The following INO80D variants were observed in gnomAD, a reference collection of about 807,000 sequenced individuals.
INO80D encodes INO80 complex subunit D.
A neutral mutation model predicts 87.6 loss-of-function variants in INO80D; 21 were observed. The observed-to-expected ratio is 0.24, with a 90% CI of 0.17 to 0.35. INO80D has a LOEUF of 0.35. Ranked by LOEUF, INO80D falls within the 10% of genes least tolerant of loss-of-function variation. The pLI, the probability that INO80D is intolerant of heterozygous loss-of-function variation, is 1.00. For missense variants in INO80D, 982 were observed against 1,280.7 expected, an observed-to-expected ratio of 0.77 and a Z score of 3.56; for synonymous variants, 440 against 491.0, an observed-to-expected ratio of 0.90 and a Z score of 1.37.
intron 1 of INO80D, among the ~76,000 whole-genome samples, chr2:206,071,018 C>T (rs373024571): frequency 2.0e-5 from 3 of 151,412 alleles, no homozygotes; most frequent in Non-Finnish European, 2.9e-5. Context: ...AGTGCAATGG[C>T]ACGATCTCAG....
At chr2:206,081,768 A>AAAAAG (rs371153818) in intron 1 of INO80D, among the ~76,000 whole-genome samples, 132 of 147,122 alleles carry the variant, frequency 9.0e-4, no homozygotes, top group Middle Eastern at 3.5e-3. Context: ...AAAAAAAAAA[A>AAAAAG]AAAGAAAGAA....
Position 206,002,843 on chromosome 2 carries a change from T to TA in INO80D, c.*1524dup, listed in dbSNP as rs1266808003. On this transcript the variant is annotated 3_prime_UTR_variant, in exon 11 of 11. Transcript: ENST00000403263. ...TTTTAAAATATATATATATGTGAAT[T>TA]AGACTAGACTCAGGTATAAATAGCC... The TA allele has an allele frequency of 6.6e-6, 1 of 152,202 alleles. No homozygotes were observed. Among genetic ancestry groups the TA allele is most frequent in the Non-Finnish European group, 1.5e-5 (1 of 68,038 alleles). The allele number at this position is 152,202 out of a possible 1,614,324, so 9.4% of individuals were successfully genotyped here. A position where few individuals can be genotyped will look rare whatever the true frequency, so the allele number is the denominator to read the frequency against.
At chr2:206,034,309 G>A (rs925009231) in intron 5 of INO80D, among the ~76,000 whole-genome samples, 5 of 151,936 alleles carry the variant, frequency 3.3e-5, no homozygotes, top group African/African-American at 7.3e-5. Context: ...ACCACAGACC[G>A]ATATCCCTGA....
At chr2:206,034,580 C>T (rs1688847422) in intron 5 of INO80D, among the ~76,000 whole-genome samples, 1 of 152,004 alleles carries the variant, frequency 6.6e-6, no homozygotes, top group Non-Finnish European at 1.5e-5. Context: ...AATTGGCATA[C>T]AAGGGACATA....
intron 1 of INO80D, among the ~76,000 whole-genome samples, chr2:206,072,763 C>A (rs148070180): frequency 1.3e-5 from 2 of 151,874 alleles, no homozygotes; most frequent in African/African-American, 4.8e-5. Context: ...AATATCAAAA[C>A]CATAAAGCAT....
intron 6 of INO80D, among the ~76,000 whole-genome samples, chr2:206,024,190 T>G (rs1688541126): frequency 6.6e-6 from 1 of 152,206 alleles, no homozygotes; most frequent in South Asian, 2.1e-4. Context: ...CAGACCTTCA[T>G]TTATTCAATT....
intron 4 of INO80D, among the ~76,000 whole-genome samples, chr2:206,047,498 C>G (rs145684926): frequency 6.6e-6 from 1 of 152,028 alleles, no homozygotes; most frequent in Non-Finnish European, 1.5e-5. Flanking sequence ...GGATTACAGG[C>G]GTGAGCCACC....
At chr2:206,017,323 T>C (rs1688345494) in intron 8 of INO80D, among the ~76,000 whole-genome samples, 1 of 152,216 alleles carries the variant, frequency 6.6e-6, no homozygotes, top group African/African-American at 2.4e-5. Flanking sequence ...CTCCAAATTA[T>C]TCTGAATTAA....
chr2:206,062,360 C>T lies in INO80D; in HGVS notation c.218+439G>A, dbSNP rs1163616177. 1.3e-5 allele frequency among the ~76,000 whole-genome samples: 2 copies of T among 152,066 alleles called. No individual in the cohort carries two copies. The highest frequency in any genetic ancestry group is 6.6e-5 in the Admixed American group (1 of 15,246). On this transcript the variant is annotated intron_variant, in intron 3 of 10. Coordinates refer to ENST00000403263, the MANE Select transcript of INO80D (RefSeq NM_017759.5). The surrounding 1 kb of genome is among the most constrained non-coding windows in gnomAD (Gnocchi z 4.6). Reference sequence around the variant, plus strand: ...AGATTTTAAACTCCAAAATTGCTATCATTAATTATAACACCTAATTAGTTA... The same window carrying T: ...AGATTTTAAACTCCAAAATTGCTATTATTAATTATAACACCTAATTAGTTA...
chr2:206,050,910 A>G (rs1689344813), intron 4 of INO80D, among the ~76,000 whole-genome samples: 1 of 152,116 alleles, frequency 6.6e-6, no homozygotes, highest in African/African-American at 2.4e-5. Flanking sequence ...CGGAGCTTGC[A>G]GTGAGCCGAG....
chr2:206,046,726 T>C (rs1047286889), intron 4 of INO80D, 114 bp from the exon 5 acceptor site: 13 of 647,210 alleles, frequency 2.0e-5, no homozygotes, highest in African/African-American at 7.3e-5. Flanking sequence ...AGTACTATCA[T>C]GGTGTGAATA....
chr2:206,029,560 A>G (rs546437861), intron 5 of INO80D, among the ~76,000 whole-genome samples: 1 of 152,206 alleles, frequency 6.6e-6, no homozygotes, highest in African/African-American at 2.4e-5. Flanking sequence ...ATCTTCTACT[A>G]TTCATTGCTG....
At chr2:206,073,239 T>C (rs944243340) in intron 1 of INO80D, among the ~76,000 whole-genome samples, 1 of 152,182 alleles carries the variant, frequency 6.6e-6, no homozygotes, top group African/African-American at 2.4e-5. Flanking sequence ...AACTTCTCCT[T>C]TTTAAATAAA....
chr2:206,062,670 T>C lies in INO80D; in HGVS notation c.218+129A>G. 1.3e-6 allele frequency: 1 copy of C among 754,248 alleles called. No individual in the cohort carries two copies. Among genetic ancestry groups the C allele is most frequent in the Non-Finnish European group, 2.2e-6 (1 of 463,906 alleles). 46.7% of individuals were successfully genotyped at this position (754,248 alleles called of 1,614,324 possible). ...CTTAGATTACCCCCAGAATTCAACATTTATATAGGTGGAGGAAGGGAGGGA... is the reference window on the plus strand; with the variant it reads ...CTTAGATTACCCCCAGAATTCAACACTTATATAGGTGGAGGAAGGGAGGGA... On this transcript the variant is annotated intron_variant, in intron 3 of 10. Transcript: ENST00000403263. This position sits in a 1 kb window ranked among gnomAD's most constrained non-coding sequence, Gnocchi z 4.6.
intron 5 of INO80D, among the ~76,000 whole-genome samples, chr2:206,045,673 C>T (rs1689174825): frequency 6.6e-6 from 1 of 150,454 alleles, no homozygotes; most frequent in Admixed American, 6.6e-5. Context: ...GACAGCTTTC[C>T]AATAAGGAAG....
At chr2:206,026,541 G>A (rs1688620316) in intron 6 of INO80D, among the ~76,000 whole-genome samples, 4 of 148,900 alleles carry the variant, frequency 2.7e-5, no homozygotes, top group Admixed American at 6.7e-5. Context: ...GCAAGGCTCC[G>A]TCTCAAAAAA....
rs1206134818 is a variant in INO80D, at chr2:206,056,769, G to A, written c.393C>T (p.Leu131=). The change falls in exon 4 of 11, where the codon CTC becomes CTT. Residue 131 remains leucine, a synonymous_variant. Coordinates refer to ENST00000403263, the MANE Select transcript of INO80D (RefSeq NM_017759.5). Reference sequence around the variant, plus strand: ...GAGGGACCCTTGCCCCAGGTGGAGAGAGGGACATTCCATCCAGTCCGTTGG... The same window carrying A: ...GAGGGACCCTTGCCCCAGGTGGAGAAAGGGACATTCCATCCAGTCCGTTGG... The part of the protein sequence containing the change: ...KMPNGLDGMS[L]SPPGARVPLH... 9.3e-6 allele frequency: 15 copies of A among 1,612,948 alleles called. No homozygotes were observed. Among genetic ancestry groups the A allele is most frequent in the African/African-American group, 1.3e-5 (1 of 74,916 alleles).
rs540172650 is a variant in INO80D, at chr2:205,997,967, T to G, written c.*6401A>C. 2.6e-5 allele frequency: 4 copies of G among 152,304 alleles called. No homozygotes were observed. The South Asian group carries it at 8.3e-4, about 32-fold the overall frequency. The allele number at this position is 152,304 out of a possible 1,614,324, so 9.4% of individuals were successfully genotyped here. ...CATGTGTGTAAAAAATACAGACATA[T>G]ACATGCACACAAGTAATTTAGTTCT... is the stretch of plus-strand genomic sequence containing the variant. On this transcript the variant is annotated 3_prime_UTR_variant, in exon 11 of 11. Transcript: ENST00000403263.
chr2:206,071,220 A>T, intron 1 of INO80D, among the ~76,000 whole-genome samples: 1 of 136,978 alleles, frequency 7.3e-6, no homozygotes, highest in Non-Finnish European at 1.5e-5. Flanking sequence ...CAGCCTCCCA[A>T]AGTGCTGGGA....
Sources: gnomAD v4.1 joint callset for allele counts (sites outside exome capture counted in the v4.1 genomes callset) on GRCh38, gnomAD v4.1.1 for gene constraint, Gnocchi (gnomAD v3.1) non-coding constraint, MANE v1.5 for transcripts, NCBI Gene and HGNC (gene_info 2026-07-23, HGNC 2026-07-21) for gene names.